The following EHMT1 variants were observed in gnomAD, a reference collection of about 807,000 sequenced individuals.
The protein encoded by EHMT1 is histone-lysine N-methyltransferase EHMT1.
Under a neutral mutation model 147.2 loss-of-function variants are expected in EHMT1, and 15 were observed. The ratio of observed to expected loss-of-function variants is 0.10; its 90% confidence interval spans 0.07 to 0.16. The LOEUF (loss-of-function observed/expected upper bound fraction) is 0.16, where lower values mean the gene tolerates loss of function less well. Among genes scored for constraint, EHMT1 ranks in the 10% least tolerant of loss-of-function variants. The pLI is 1.00. For synonymous variants in EHMT1, 795 were observed against 709.6 expected (o/e 1.12, Z -1.91); for missense variants, 1,587 against 1,772.4 (o/e 0.90, Z 1.88).
chr9:137,752,156 C>T (rs1260040643), intron 6 of EHMT1, among the ~76,000 whole-genome samples, 175 bp from the exon 7 acceptor site: 2 of 152,252 alleles, frequency 1.3e-5, no homozygotes, highest in Non-Finnish European at 2.9e-5. Context: ...TCGGTCACCC[C>T]ACACACCAGC....
At chr9:137,677,712 TG>T (rs2134443410) in intron 1 of EHMT1, among the ~76,000 whole-genome samples, 2 of 151,950 alleles carry the variant, frequency 1.3e-5, no homozygotes, top group South Asian at 4.2e-4. Context: ...AAGAGTTGGT[TG>T]GGTAGATTGT....
At chr9:137,698,254 C>G (rs1943561926) in intron 1 of EHMT1, among the ~76,000 whole-genome samples, 1 of 152,342 alleles carries the variant, frequency 6.6e-6, no homozygotes, top group South Asian at 2.1e-4. Context: ...CGTGGAAACT[C>G]CACACTTTGA....
chr9:137,717,118 C>T lies in EHMT1; in HGVS notation c.578C>T (p.Ala193Val), dbSNP rs755550350. The T allele has an allele frequency of 2.4e-5, 39 of 1,612,358 alleles. 1 individual carries two copies. Among genetic ancestry groups the T allele is most frequent in the Non-Finnish European group, 3.2e-5 (38 of 1,179,932 alleles). ...GACACAGAGGACAGGAAGCTCCCGGCCCCTGGCGCCGACGTCAAGGTCCAC... is the reference window on the plus strand; with the variant it reads ...GACACAGAGGACAGGAAGCTCCCGGTCCCTGGCGCCGACGTCAAGGTCCAC... ...SADTEDRKLPAPGADVKVHRA... is the reference protein window; with the variant it reads ...SADTEDRKLPVPGADVKVHRA... Residue 193 changes from alanine (A) to valine (V), a missense_variant, in exon 3 of 27, where the codon GCC (alanine) becomes GTC (valine). Ala to Val is a moderately conservative substitution (Grantham distance 64). Coordinates refer to ENST00000460843, the MANE Select transcript of EHMT1 (RefSeq NM_024757.5).
At chr9:137,678,715 C>T (rs1259662699) in intron 1 of EHMT1, among the ~76,000 whole-genome samples, 1 of 149,216 alleles carries the variant, frequency 6.7e-6, no homozygotes, top group African/African-American at 2.5e-5. Context: ...AATGTCCCCC[C>T]CCCCGCTCCC....
intron 1 of EHMT1, among the ~76,000 whole-genome samples, chr9:137,659,489 C>T (rs1938839607): frequency 6.6e-6 from 1 of 151,930 alleles, no homozygotes; most frequent in Admixed American, 6.6e-5. Flanking sequence ...AAGCAGTCCT[C>T]CCACCTCAGC....
chr9:137,668,040 C>T (rs1038670370), intron 1 of EHMT1, among the ~76,000 whole-genome samples: 3 of 152,150 alleles, frequency 2.0e-5, no homozygotes, highest in African/African-American at 7.2e-5. Context: ...GAGCTTCCAC[C>T]TCCTTTATAG....
intron 8 of EHMT1, among the ~76,000 whole-genome samples, chr9:137,754,735 T>C (rs897889940): frequency 1.3e-5 from 2 of 152,200 alleles, no homozygotes; most frequent in Non-Finnish European, 2.9e-5. Context: ...CAGGCTGGTC[T>C]CGAACTCCTG....
chr9:137,752,510 G>T (rs867506224), intron 7 of EHMT1, 102 bp downstream of exon 7: 6 of 1,355,952 alleles, frequency 4.4e-6, no homozygotes, highest in Admixed American at 2.0e-5. Context: ...TTGCCTGAGC[G>T]CTCACCCATG....
chr9:137,741,075 C>A lies in EHMT1; in HGVS notation c.824-2296C>A, dbSNP rs185618939. Reference sequence around the variant, plus strand: ...CACTGCAAGCTCCGCCTCCCGGGTTCACGCCATTCTCCTGCCTCAGCCTCC... The same window carrying A: ...CACTGCAAGCTCCGCCTCCCGGGTTAACGCCATTCTCCTGCCTCAGCCTCC... On this transcript the variant is annotated intron_variant, in intron 4 of 26. Coordinates refer to ENST00000460843, the MANE Select transcript of EHMT1 (RefSeq NM_024757.5). Among the ~76,000 whole-genome samples, 1,407 of 151,738 alleles carry A rather than the reference C, an allele frequency of 9.3e-3. 17 individuals carry two copies. The highest frequency in any genetic ancestry group is 0.032 in the African/African-American group (1,321 of 41,080).
chr9:137,806,063 G>A (rs1013369878), intron 18 of EHMT1, among the ~76,000 whole-genome samples: 13 of 140,388 alleles, frequency 9.3e-5, no homozygotes, highest in South Asian at 4.7e-4. Context: ...TGGTTCAAGC[G>A]ATTCTCCTGC....
chr9:137,815,438 C>T lies in EHMT1; in HGVS notation c.3259-509C>T, dbSNP rs138712846. 2.8e-4 allele frequency: 61 copies of T among 219,868 alleles called. 1 individual carries two copies. The highest frequency in any genetic ancestry group is 6.8e-4 in the African/African-American group (30 of 44,384). The allele number at this position is 219,868 out of a possible 1,614,324, so 13.6% of individuals were successfully genotyped here. On this transcript the variant is annotated intron_variant, in intron 22 of 26. Coordinates refer to ENST00000460843, the MANE Select transcript of EHMT1 (RefSeq NM_024757.5). ...TGTGCCTGGGCAGCCCTGGGCCCCGCGCCTCAGCTCACACAGCCCTGGGGG... is the reference window on the plus strand; with the variant it reads ...TGTGCCTGGGCAGCCCTGGGCCCCGTGCCTCAGCTCACACAGCCCTGGGGG...
At chr9:137,718,758 T>C (rs1056890416) in intron 3 of EHMT1, among the ~76,000 whole-genome samples, 10 of 150,498 alleles carry the variant, frequency 6.6e-5, no homozygotes, top group African/African-American at 2.0e-4. Context: ...CTTTTTCTTT[T>C]TCTTTTTTTT....
intron 4 of EHMT1, among the ~76,000 whole-genome samples, chr9:137,741,165 A>T (rs1227718342): frequency 6.6e-6 from 1 of 151,828 alleles, no homozygotes; most frequent in African/African-American, 2.4e-5. Context: ...TTTAGTAGAG[A>T]CGGGGTTTCA....
intron 1 of EHMT1, among the ~76,000 whole-genome samples, chr9:137,621,660 C>T (rs186402632): frequency 1.2e-3 from 176 of 152,180 alleles, no homozygotes; most frequent in African/African-American, 4.1e-3. Flanking sequence ...AATATATCCT[C>T]CATTCCCCAT....
In EHMT1 at chr9:137,803,131, T is replaced by C. The variant is rs1953644544; in HGVS notation, c.2712+2147T>C. The C allele has an allele frequency of 4.1e-6, 5 of 1,228,740 alleles. No individual in the cohort carries two copies. In the Admixed American group the frequency reaches 2.1e-4, roughly 52 times the overall value. The allele number at this position is 1,228,740 out of a possible 1,614,324, so 76.1% of individuals were successfully genotyped here. On this transcript the variant is annotated intron_variant, in intron 18 of 26. Coordinates refer to ENST00000460843, the MANE Select transcript of EHMT1 (RefSeq NM_024757.5). ...CTGTCCAGGTGTCAGAGCTGTTAGC[T>C]CTCTGATGCTGGTGGCTGTTCCCCC... is the stretch of plus-strand genomic sequence containing the variant.
chr9:137,829,540 C>A (rs1359435141), intron 25 of EHMT1, among the ~76,000 whole-genome samples: 1 of 152,190 alleles, frequency 6.6e-6, no homozygotes, highest in Non-Finnish European at 1.5e-5. Context: ...TTGAGATTGC[C>A]GTCACGTGAG....
At chr9:137,744,160 T>G in intron 6 of EHMT1, 70 bp downstream of exon 6, 1 of 1,556,412 alleles carries the variant, frequency 6.4e-7, no homozygotes, top group South Asian at 1.1e-5. Context: ...TTCTGAAAAT[T>G]AACAGTCTGG....
chr9:137,803,982 CA>C (rs1242374268), intron 18 of EHMT1, among the ~76,000 whole-genome samples: 4 of 152,146 alleles, frequency 2.6e-5, no homozygotes, highest in Admixed American at 1.3e-4. Context: ...TTAATTGACT[CA>C]CCCTTCAGCG....
intron 2 of EHMT1, among the ~76,000 whole-genome samples, chr9:137,714,435 AT>A (rs1161081732): frequency 2.6e-5 from 4 of 151,576 alleles, no homozygotes; most frequent in African/African-American, 4.9e-5. Context: ...ATATTAATTC[AT>A]TTTTAGCTAT....
Sources: gnomAD v4.1 joint callset for allele counts (sites outside exome capture counted in the v4.1 genomes callset) on GRCh38, gnomAD v4.1.1 for gene constraint, MANE v1.5 for transcripts, NCBI Gene and HGNC (gene_info 2026-07-23, HGNC 2026-07-21) for gene names.